Variants in PHF20L1 observed in about 807,000 individuals in gnomAD.
PHF20L1 encodes PHD finger protein 20 like 1.
A neutral mutation model predicts 125.5 loss-of-function variants in PHF20L1; 44 were observed. The ratio of observed to expected loss-of-function variants is 0.35; its 90% confidence interval spans 0.28 to 0.45. The LOEUF (loss-of-function observed/expected upper bound fraction) is 0.45. PHF20L1 is among the 20% of genes least tolerant of loss of function. The pLI, the probability that PHF20L1 is intolerant of heterozygous loss-of-function variation, is 1.00. For missense variants in PHF20L1, 1,012 were observed against 1,217.2 expected (o/e 0.83, Z 2.51); for synonymous variants, 380 against 403.1 (o/e 0.94, Z 0.69).
chr8:132,836,627 C>G lies in PHF20L1; in HGVS notation c.1997C>G (p.Thr666Ser). 6.2e-7 allele frequency: 1 copy of G among 1,612,820 alleles called. No homozygotes were observed. The highest frequency in any genetic ancestry group is 1.1e-5 in the South Asian group (1 of 91,042). Residue 666 changes from threonine (T) to serine (S), a missense_variant, in exon 16 of 21, where the codon ACC (threonine) becomes AGC (serine). Transcript: ENST00000395386. ...GDEYNQDFDSTNFEESQDEDD... is the reference protein window; with the variant it reads ...GDEYNQDFDSSNFEESQDEDD... ...GAATACAATCAGGACTTTGATTCAA[C>G]CAATTTTGAGGAATCTCAGGATGAG...
chr8:132,775,437 C>A lies in PHF20L1; in HGVS notation c.-246C>A. 1 of 385,816 alleles carries A rather than the reference C, an allele frequency of 2.6e-6. No individual in the cohort carries two copies. The highest frequency in any genetic ancestry group is 4.5e-6 in the Non-Finnish European group (1 of 219,972). The allele number at this position is 385,816 out of a possible 1,614,324, so 23.9% of individuals were successfully genotyped here. ...CGGCGGCGGCGGCGATGGCAGCGGA[C>A]CCTGAGCGAGCTTGAGGGCTCGGAC... On this transcript the variant is annotated 5_prime_UTR_variant, in exon 1 of 21. Coordinates refer to ENST00000395386, the MANE Select transcript of PHF20L1 (RefSeq NM_016018.5).
intron 15 of PHF20L1, among the ~76,000 whole-genome samples, chr8:132,833,657 C>G (rs1015866393): frequency 6.6e-6 from 1 of 151,990 alleles, no homozygotes; most frequent in Non-Finnish European, 1.5e-5. Context: ...TCATCAAGAT[C>G]TGAAGATTAT....
At chr8:132,824,858 C>A in intron 13 of PHF20L1, 1 of 254,350 alleles carries the variant, frequency 3.9e-6, no homozygotes, top group South Asian at 5.6e-5. Context: ...GCAAAAAGTC[C>A]ATCAGGTTTT....
At chr8:132,839,187 TCTC>T (rs1837676614) in intron 17 of PHF20L1, 197 bp from the exon 18 acceptor site, 2 of 554,716 alleles carry the variant, frequency 3.6e-6, no homozygotes, top group African/African-American at 3.8e-5. Flanking sequence ...TGGTGTTTCT[TCTC>T]CTGGGTGGGC....
At chr8:132,817,627 A>G in intron 12 of PHF20L1, 82 bp downstream of exon 12, 1 of 884,068 alleles carries the variant, frequency 1.1e-6, no homozygotes, top group Middle Eastern at 2.4e-4. Flanking sequence ...TTTGAGGTTT[A>G]ACTACATTAT....
chr8:132,793,637 C>G (rs1832038528), intron 2 of PHF20L1, among the ~76,000 whole-genome samples: 2 of 152,144 alleles, frequency 1.3e-5, no homozygotes, highest in Non-Finnish European at 2.9e-5. Flanking sequence ...AATGACGAAG[C>G]AACTTTCCTT....
In PHF20L1 at chr8:132,781,413, T is replaced by G. The variant is rs182427386; in HGVS notation, c.83+3502T>G. ...GTGATTTATTTATTTTTATTTTATC[T>G]TATTTTATTTATTTTTTTGAGACAG... is the stretch of plus-strand genomic sequence containing the variant. On this transcript the variant is annotated intron_variant, in intron 2 of 20. Coordinates refer to ENST00000395386, the MANE Select transcript of PHF20L1 (RefSeq NM_016018.5). Among the ~76,000 whole-genome samples the G allele has an allele frequency of 2.5e-3, 382 of 152,224 alleles. 10 individuals carry two copies. Among genetic ancestry groups the G allele is most frequent in the Non-Finnish European group, 4.9e-4 (33 of 68,006 alleles).
intron 2 of PHF20L1, among the ~76,000 whole-genome samples, chr8:132,786,372 G>A (rs923698285): frequency 6.6e-6 from 1 of 151,872 alleles, no homozygotes; most frequent in Non-Finnish European, 1.5e-5. Context: ...TATGCGTGGA[G>A]GATATTTATT....
intron 4 of PHF20L1, among the ~76,000 whole-genome samples, chr8:132,797,230 C>T (rs1011292722): frequency 2.0e-5 from 3 of 151,988 alleles, no homozygotes; most frequent in Non-Finnish European, 2.9e-5. Flanking sequence ...TGCCCGCTCC[C>T]CACCTTGACA....
chr8:132,815,744 T>C (rs1258420026), intron 10 of PHF20L1: 26 of 151,948 alleles, frequency 1.7e-4, no homozygotes, highest in Non-Finnish European at 1.5e-5. Flanking sequence ...TCAGTTGCCA[T>C]ATTTTCTACT....
chr8:132,817,316 A>G, intron 11 of PHF20L1, 23 bp from the exon 12 acceptor site: 2 of 1,586,816 alleles, frequency 1.3e-6, no homozygotes, highest in South Asian at 1.1e-5. Flanking sequence ...TTAATATTAC[A>G]TTACACTCTT....
At chr8:132,799,800 A>G (rs1481122466) in intron 6 of PHF20L1, 2 of 151,918 alleles carry the variant, frequency 1.3e-5, no homozygotes, top group Non-Finnish European at 2.9e-5. Flanking sequence ...TGATTGTTTT[A>G]AATTGCCTGG....
intron 1 of PHF20L1, among the ~76,000 whole-genome samples, chr8:132,776,335 G>A (rs1387261384): frequency 2.0e-5 from 3 of 152,098 alleles, no homozygotes; most frequent in Admixed American, 6.6e-5. Context: ...TGTACCTTGT[G>A]AACTATCCCT....
intron 16 of PHF20L1, 24 bp from the exon 17 acceptor site, chr8:132,837,688 G>A (rs774577111): frequency 1.9e-6 from 3 of 1,574,334 alleles, no homozygotes; most frequent in Non-Finnish European, 2.6e-6. Context: ...TCGGGTGACT[G>A]TAATACTCCT....
At chr8:132,812,519 G>C in intron 9 of PHF20L1, 5 of 984,830 alleles carry the variant, frequency 5.1e-6, no homozygotes, top group Non-Finnish European at 6.0e-6. Context: ...AAAAACTTTT[G>C]AGAGTCCTTG....
chr8:132,817,561 T>A lies in PHF20L1; in HGVS notation c.1579+16T>A, dbSNP rs541677691. On this transcript the variant is annotated intron_variant, in intron 12 of 20. Coordinates refer to ENST00000395386, the MANE Select transcript of PHF20L1 (RefSeq NM_016018.5). Reference sequence around the variant, plus strand: ...GCAGCAGCAGGTAAAAGAAAAAAAATAAAGGCTCCTATAAGTAGATAAGTA... The same window carrying A: ...GCAGCAGCAGGTAAAAGAAAAAAAAAAAAGGCTCCTATAAGTAGATAAGTA... The A allele has an allele frequency of 1.9e-6, 3 of 1,570,382 alleles. No homozygotes were observed. The highest frequency in any genetic ancestry group is 1.7e-6 in the Non-Finnish European group (2 of 1,152,222).
At chr8:132,810,901 G>C (rs1180073279) in intron 8 of PHF20L1, 145 bp from the exon 9 acceptor site, 1 of 616,406 alleles carries the variant, frequency 1.6e-6, no homozygotes, top group East Asian at 2.8e-5. Context: ...AAGCATATTT[G>C]TATTTTTGAA....
At chr8:132,811,927 A>G (rs1834438070) in intron 9 of PHF20L1, 2 of 977,578 alleles carry the variant, frequency 2.0e-6, no homozygotes, top group South Asian at 9.5e-5. Flanking sequence ...GAAGACTTTG[A>G]GTATCTTTTG....
At chr8:132,820,769 A>G (rs774771003) in intron 12 of PHF20L1, among the ~76,000 whole-genome samples, 1 of 152,018 alleles carries the variant, frequency 6.6e-6, no homozygotes, top group Admixed American at 6.6e-5. Flanking sequence ...AAAAAAGATT[A>G]TGATGTAGGA....
Sources: allele counts gnomAD v4.1 joint callset (sites outside exome capture counted in the v4.1 genomes callset), GRCh38; gene constraint gnomAD v4.1.1; transcripts MANE v1.5; gene names NCBI Gene and HGNC (gene_info 2026-07-23, HGNC 2026-07-21).